JMJD1C: variants seen among roughly 807,000 people sequenced by gnomAD.
JMJD1C encodes jumonji domain containing 1C.
A neutral mutation model predicts 245.3 loss-of-function variants in JMJD1C; 31 were observed. The observed-to-expected ratio is 0.13, with a 90% CI of 0.09 to 0.17. The LOEUF (loss-of-function observed/expected upper bound fraction) is 0.17. JMJD1C is among the 10% of genes least tolerant of loss of function. The pLI is 1.00. For synonymous variants in JMJD1C, 1,057 were observed against 1,017.4 expected (o/e 1.04, Z -0.74); for missense variants, 2,691 against 3,000.2 (o/e 0.90, Z 2.41).
chr10:63,471,078 T>C (rs1262224204), intron 1 of JMJD1C, among the ~76,000 whole-genome samples: 1 of 152,210 alleles, frequency 6.6e-6, no homozygotes, highest in African/African-American at 2.4e-5. Context: ...TCATCATCCC[T>C]ATCATAAACG....
intron 1 of JMJD1C, among the ~76,000 whole-genome samples, chr10:63,511,323 G>A (rs1164957763): frequency 6.6e-6 from 1 of 152,014 alleles, no homozygotes; most frequent in Non-Finnish European, 1.5e-5. Flanking sequence ...CCTTTTCTTG[G>A]CATATTGATT....
In JMJD1C at chr10:63,337,624, A is replaced by AAAAGAAAAGGAAAAGAAAAGAAAAG. The variant is rs139374030; in HGVS notation, c.333+42693_333+42694insCTTTTCTTTTCTTTTCCTTTTCTTT. ...AAAAGAAAAGAAAAGAAAAGAAAAGAAAAAGAAAAGAAAAAAAATCCGCTA... is the reference window on the plus strand; with the variant it reads ...AAAAGAAAAGAAAAGAAAAGAAAAGAAAAGAAAAGGAAAAGAAAAGAAAAGAAAAGAAAAGAAAAAAAATCCGCTA... On this transcript the variant is annotated intron_variant, in intron 2 of 25. Transcript: ENST00000399262. Among the ~76,000 whole-genome samples the AAAAGAAAAGGAAAAGAAAAGAAAAG allele has an allele frequency of 1.2e-4, 7 of 60,224 alleles. 1 individual carries two copies. The highest frequency in any genetic ancestry group is 4.4e-4 in the African/African-American group (6 of 13,526). The allele number at this position is 60,224 out of a possible 152,430, so 39.5% of individuals were successfully genotyped here. A position where few individuals can be genotyped will look rare whatever the true frequency, so the allele number is the denominator to read the frequency against.
intron 1 of JMJD1C, among the ~76,000 whole-genome samples, chr10:63,479,038 C>T (rs1953748842): frequency 6.6e-6 from 1 of 152,154 alleles, no homozygotes; most frequent in Admixed American, 6.5e-5. Context: ...GTTCTATTCC[C>T]TAGCAGGTGT....
chr10:63,376,053 G>C (rs1291588648), intron 2 of JMJD1C, among the ~76,000 whole-genome samples: 1 of 152,154 alleles, frequency 6.6e-6, no homozygotes, highest in Non-Finnish European at 1.5e-5. Flanking sequence ...CAAAGCAACA[G>C]TAATCAAAAC....
At chr10:63,344,536 A>G (rs970281496) in intron 2 of JMJD1C, among the ~76,000 whole-genome samples, 10 of 152,192 alleles carry the variant, frequency 6.6e-5, no homozygotes, top group Non-Finnish European at 1.3e-4. Context: ...GATCACAGCA[A>G]TGAGTTCTTA....
At chr10:63,433,490 G>A (rs551367063) in intron 1 of JMJD1C, among the ~76,000 whole-genome samples, 64 of 151,802 alleles carry the variant, frequency 4.2e-4, no homozygotes, top group African/African-American at 1.2e-3. Flanking sequence ...ATTCAATTAC[G>A]TCATTCACAA....
intron 1 of JMJD1C, among the ~76,000 whole-genome samples, chr10:63,455,158 C>A (rs973529713): frequency 6.6e-6 from 1 of 152,100 alleles, no homozygotes; most frequent in Non-Finnish European, 1.5e-5. Context: ...CTAGGCTGAT[C>A]GGGGCAGGTG....
chr10:63,354,900 G>A (rs988649922), intron 2 of JMJD1C, among the ~76,000 whole-genome samples: 9 of 150,422 alleles, frequency 6.0e-5, no homozygotes, highest in Admixed American at 1.3e-4. Context: ...GTGTGCACCT[G>A]TGGTCCCAGC....
chr10:63,365,984 C>G (rs1248339496), intron 2 of JMJD1C, among the ~76,000 whole-genome samples: 1 of 152,026 alleles, frequency 6.6e-6, no homozygotes, highest in Non-Finnish European at 1.5e-5. Flanking sequence ...TGGGAAGTAC[C>G]CAGAAGAATT....
intron 2 of JMJD1C, among the ~76,000 whole-genome samples, chr10:63,332,494 C>G (rs1942264081): frequency 6.6e-6 from 1 of 152,146 alleles, no homozygotes; most frequent in South Asian, 2.1e-4. Context: ...GTGCCAGACT[C>G]AGTTTAACTA....
At chr10:63,498,985 T>G (rs1954449983) in intron 1 of JMJD1C, among the ~76,000 whole-genome samples, 1 of 152,222 alleles carries the variant, frequency 6.6e-6, no homozygotes. Flanking sequence ...GTATTTGACC[T>G]TGTAATTAGC....
At chr10:63,477,553 CAA>C (rs34332584) in intron 1 of JMJD1C, among the ~76,000 whole-genome samples, 2,660 of 126,658 alleles carry the variant, frequency 0.021, 36 homozygotes, top group African/African-American at 0.039. Context: ...ATCCATATGT[CAA>C]AAAAAAAAAA....
rs35442695 is a variant in JMJD1C, at chr10:63,277,731, C to CTTTTTTTTTTTTTTTTTTTTT, written c.334-12988_334-12968dup. Among the ~76,000 whole-genome samples the CTTTTTTTTTTTTTTTTTTTTT allele has an allele frequency of 1.0e-3, 67 of 64,274 alleles. 14 individuals carry two copies. Among genetic ancestry groups the CTTTTTTTTTTTTTTTTTTTTT allele is most frequent in the African/African-American group, 3.7e-3 (52 of 14,168 alleles). The allele number at this position is 64,274 out of a possible 152,430, so 42.2% of individuals were successfully genotyped here. On this transcript the variant is annotated intron_variant, in intron 2 of 25. Transcript: ENST00000399262. ...TATTCATTGAGAGTAATTTGCATTT[C>CTTTTTTTTTTTTTTTTTTTTT]TTTTTTTTTTTTTTTTTTTTTTTTG...
At chr10:63,220,069 C>G (rs567051317) in intron 3 of JMJD1C, 86 bp from the exon 4 acceptor site, 7 of 921,004 alleles carry the variant, frequency 7.6e-6, no homozygotes, top group Admixed American at 4.6e-5. Flanking sequence ...GTTCTAAGGA[C>G]TGAATAAAAT....
At chr10:63,220,483 C>T (rs1251967526) in intron 3 of JMJD1C, among the ~76,000 whole-genome samples, 4 of 152,340 alleles carry the variant, frequency 2.6e-5, no homozygotes, top group Admixed American at 2.0e-4. Flanking sequence ...TCACAGTCAT[C>T]TGACCAGTAA....
intron 3 of JMJD1C, among the ~76,000 whole-genome samples, chr10:63,237,343 C>A (rs1044972231): frequency 2.0e-4 from 9 of 45,388 alleles, no homozygotes; most frequent in African/African-American, 3.7e-4. Flanking sequence ...TCGCCAAACA[C>A]TCACTAAAAA....
chr10:63,399,549 T>C (rs1046402197), intron 1 of JMJD1C, among the ~76,000 whole-genome samples: 3 of 152,180 alleles, frequency 2.0e-5, no homozygotes, highest in Non-Finnish European at 4.4e-5. Context: ...AATCTTGTTA[T>C]GCAACAACAT....
intron 2 of JMJD1C, among the ~76,000 whole-genome samples, chr10:63,321,558 C>T (rs905305742): frequency 1.3e-5 from 2 of 152,118 alleles, no homozygotes; most frequent in South Asian, 2.1e-4. Context: ...TGTGTTGAGT[C>T]GACAGTGGAA....
At chr10:63,500,811 GCACA>G (rs1954533334) in intron 1 of JMJD1C, among the ~76,000 whole-genome samples, 2 of 151,876 alleles carry the variant, frequency 1.3e-5, no homozygotes, top group African/African-American at 4.8e-5. Context: ...ATGCATGGAT[GCACA>G]GATGGATGCA....
Sources: gnomAD v4.1 joint callset for allele counts (sites outside exome capture counted in the v4.1 genomes callset) on GRCh38, gnomAD v4.1.1 for gene constraint, MANE v1.5 for transcripts, NCBI Gene and HGNC (gene_info 2026-07-23, HGNC 2026-07-21) for gene names.